PEX3: variants seen among roughly 807,000 people sequenced by gnomAD.
PEX3 encodes the protein peroxisomal biogenesis factor 3, also known as peroxin-3.
Under a neutral mutation model 55.8 loss-of-function variants are expected in PEX3, and 30 were observed. That is an observed-to-expected ratio of 0.54 (90% CI 0.40 to 0.73). The LOEUF is 0.73. PEX3 is among the 30% of genes least tolerant of loss of function. PEX3 has a pLI of 0.00. For synonymous variants in PEX3, 135 were observed against 148.4 expected (o/e 0.91, Z 0.66); for missense variants, 351 against 432.8 (o/e 0.81, Z 1.68).
chr6:143,463,019 T>A lies in PEX3; in HGVS notation c.287+22T>A. 6.4e-7 allele frequency: 1 copy of A among 1,563,982 alleles called. No homozygotes were observed. The highest frequency in any genetic ancestry group is 8.8e-7 in the Non-Finnish European group (1 of 1,134,394). On this transcript the variant is annotated intron_variant, in intron 3 of 11. Coordinates refer to ENST00000367591, the MANE Select transcript of PEX3 (RefSeq NM_003630.3). The surrounding 1 kb of genome is among the most constrained non-coding windows in gnomAD (Gnocchi z 5.7). Reference sequence around the variant, plus strand: ...ACAGGTAAATGCAAGTTACAGCATTTTCTGTTTAAGCACTACACTTAAAGT... The same window carrying A: ...ACAGGTAAATGCAAGTTACAGCATTATCTGTTTAAGCACTACACTTAAAGT...
chr6:143,468,812 C>CCG (rs1562653865), intron 4 of PEX3, among the ~76,000 whole-genome samples: 3 of 122,914 alleles, frequency 2.4e-5, no homozygotes, highest in African/African-American at 8.5e-5. Context: ...CCCCCCCCCC[C>CCG]CCACCCCACG....
In PEX3 at chr6:143,464,503, G is replaced by A. The variant is rs966779562; in HGVS notation, c.287+1506G>A. Among the ~76,000 whole-genome samples, 1 of 151,746 alleles carries A rather than the reference G, an allele frequency of 6.6e-6. No individual in the cohort carries two copies. Among genetic ancestry groups the A allele is most frequent in the East Asian group, 1.9e-4 (1 of 5,194 alleles). ...ATTTAGGAGTATCAAAAAAACCAAA[G>A]GATTAATTTTGATAGATTATCCTGG... On this transcript the variant is annotated intron_variant, in intron 3 of 11. Transcript: ENST00000367591. The surrounding 1 kb of genome is among the most constrained non-coding windows in gnomAD (Gnocchi z 5.8).
chr6:143,455,087 A>T (rs1457557109), intron 1 of PEX3, among the ~76,000 whole-genome samples: 1 of 152,244 alleles, frequency 6.6e-6, no homozygotes, highest in Non-Finnish European at 1.5e-5. Flanking sequence ...TCCTTAATTC[A>T]GCAAATATTT....
Position 143,462,482 on chromosome 6 carries a change from A to G in PEX3, c.206-434A>G, listed in dbSNP as rs1011585524. On this transcript the variant is annotated intron_variant, in intron 2 of 11. Transcript: ENST00000367591. The surrounding 1 kb of genome is among the most constrained non-coding windows in gnomAD (Gnocchi z 4.1). ...AATAAACTTTTTAAAAATTAGAATGAAAAATGAAGGAAAAAGTATAGCTGA... is the reference window on the plus strand; with the variant it reads ...AATAAACTTTTTAAAAATTAGAATGGAAAATGAAGGAAAAAGTATAGCTGA... Among the ~76,000 whole-genome samples the G allele has an allele frequency of 6.6e-6, 1 of 152,212 alleles. No individual in the cohort carries two copies. The highest frequency in any genetic ancestry group is 2.4e-5 in the African/African-American group (1 of 41,450).
rs2128745865 is a variant in PEX3 at position 143,463,035 on chromosome 6, C to T, written c.287+38C>T. On this transcript the variant is annotated intron_variant, in intron 3 of 11. Coordinates refer to ENST00000367591, the MANE Select transcript of PEX3 (RefSeq NM_003630.3). The surrounding 1 kb of genome is among the most constrained non-coding windows in gnomAD (Gnocchi z 5.7). ...TACAGCATTTTCTGTTTAAGCACTA[C>T]ACTTAAAGTTTATAGAATGAACTGA... The T allele has an allele frequency of 7.1e-7, 1 of 1,409,868 alleles. No individual in the cohort carries two copies. The highest frequency in any genetic ancestry group is 1.0e-6 in the Non-Finnish European group (1 of 993,816). 87.3% of individuals were successfully genotyped at this position (1,409,868 alleles called of 1,614,324 possible).
intron 8 of PEX3, among the ~76,000 whole-genome samples, chr6:143,474,481 A>C (rs1780123979): frequency 6.6e-6 from 1 of 151,312 alleles, no homozygotes; most frequent in Non-Finnish European, 1.5e-5. Flanking sequence ...AAAAACCCAG[A>C]CCTCTGCAAA....
rs1780355707 is a variant in PEX3 at position 143,489,327 on chromosome 6, G to A, written c.*101G>A. On this transcript the variant is annotated 3_prime_UTR_variant, in exon 12 of 12. Transcript: ENST00000367591. This position sits in a 1 kb window ranked among gnomAD's most constrained non-coding sequence, Gnocchi z 5.5. ...GTAACAGTTTGTTATCAAAATGCCT[G>A]ATAAAATATATTCTTAATAAAAGTC... The A allele has an allele frequency of 4.2e-6, 3 of 722,788 alleles. No individual in the cohort carries two copies. Among genetic ancestry groups the A allele is most frequent in the Non-Finnish European group, 7.6e-6 (3 of 393,400 alleles). The allele number at this position is 722,788 out of a possible 1,614,324, so 44.8% of individuals were successfully genotyped here. A position where few individuals can be genotyped will look rare whatever the true frequency, so the allele number is the denominator to read the frequency against.
At position 143,485,257 on chromosome 6, in the gene PEX3, A is replaced by G; in HGVS notation, c.1038+9A>G. On this transcript the variant is annotated intron_variant, in intron 11 of 11. Transcript: ENST00000367591. This position sits in a 1 kb window ranked among gnomAD's most constrained non-coding sequence, Gnocchi z 5.6. ...CTAGTCATTTTGTTCAGGTAAGAAG[A>G]AAGCTTGGGAGTGTTATTAAAAGCA... 2 of 1,457,762 alleles carry G rather than the reference A, an allele frequency of 1.4e-6. No individual in the cohort carries two copies. The highest frequency in any genetic ancestry group is 1.9e-6 in the Non-Finnish European group (2 of 1,037,664). 90.3% of individuals were successfully genotyped at this position (1,457,762 alleles called of 1,614,324 possible). A position where few individuals can be genotyped will look rare whatever the true frequency, so the allele number is the denominator to read the frequency against.
At chr6:143,478,068 A>G (rs1584014541) in intron 9 of PEX3, among the ~76,000 whole-genome samples, 2 of 152,184 alleles carry the variant, frequency 1.3e-5, no homozygotes, top group Non-Finnish European at 2.9e-5. Flanking sequence ...ATGTATTCAT[A>G]TAATGGAGCC....
chr6:143,468,751 T>C (rs913250845), intron 4 of PEX3, among the ~76,000 whole-genome samples: 5 of 150,792 alleles, frequency 3.3e-5, no homozygotes, highest in East Asian at 2.0e-4. Context: ...CATGTTGGTG[T>C]GCTGCACCCA....
In PEX3 at chr6:143,489,417, C is replaced by T. The variant is rs184104448; in HGVS notation, c.*191C>T. ...ATATTTTTTTAGATTCATCAACAGA[C>T]CAGTTTTTGTGGGCATATATATATA... On this transcript the variant is annotated 3_prime_UTR_variant, in exon 12 of 12. Transcript: ENST00000367591. The surrounding 1 kb of genome is among the most constrained non-coding windows in gnomAD (Gnocchi z 5.5). The T allele has an allele frequency of 2.0e-6, 1 of 496,596 alleles. No individual in the cohort carries two copies. Among genetic ancestry groups the T allele is most frequent in the East Asian group, 3.7e-5 (1 of 27,066 alleles). The allele number at this position is 496,596 out of a possible 1,614,324, so 30.8% of individuals were successfully genotyped here. A position where few individuals can be genotyped will look rare whatever the true frequency, so the allele number is the denominator to read the frequency against.
intron 1 of PEX3, among the ~76,000 whole-genome samples, chr6:143,455,381 T>TC: frequency 7.9e-6 from 1 of 126,326 alleles, no homozygotes; most frequent in East Asian, 2.1e-4. Context: ...TTTTTTTTTT[T>TC]TTTTTTTGTA....
At chr6:143,460,937 T>C (rs1448137978) in intron 2 of PEX3, among the ~76,000 whole-genome samples, 1 of 151,206 alleles carries the variant, frequency 6.6e-6, no homozygotes, top group Non-Finnish European at 1.5e-5. Flanking sequence ...ACATGGACCC[T>C]TGTGTCAGTT....
In PEX3 at chr6:143,472,177, C is replaced by T. The variant is rs1661148862; in HGVS notation, c.596C>T (p.Ser199Phe). 14 of 1,607,380 alleles carry T rather than the reference C, an allele frequency of 8.7e-6. No homozygotes were observed. The highest frequency in any genetic ancestry group is 1.1e-5 in the Non-Finnish European group (13 of 1,174,218). The change falls in exon 8 of 12, where the codon TCT (serine) becomes TTT (phenylalanine). Residue 199 changes from serine (S) to phenylalanine (F), a missense_variant. Transcript: ENST00000367591. Reference sequence around the variant, plus strand: ...GTTTCTAGTGTTTCTCTTAAACATTCTTTGTCCCTTTTGGACTTGGAGCAA... The same window carrying T: ...GTTTCTAGTGTTTCTCTTAAACATTTTTTGTCCCTTTTGGACTTGGAGCAA... Reference protein sequence around the residue: ...KVLGSVSLKHSLSLLDLEQKL... With the variant: ...KVLGSVSLKHFLSLLDLEQKL...
rs2128747098 is a variant in PEX3, at chr6:143,474,786, G to T, written c.748G>T (p.Ala250Ser). Residue 250 changes from alanine to serine, a missense_variant and splice_region_variant, in exon 9 of 12, where the codon GCC becomes TCC. Ala to Ser is a moderately conservative substitution (Grantham distance 99, BLOSUM62 1). Coordinates refer to ENST00000367591, the MANE Select transcript of PEX3 (RefSeq NM_003630.3). ...TAAGTGTGACATTTTAATTCTATAGGCCTGTGGACTTTCTCCTCGAGACAT... is the reference window on the plus strand; with the variant it reads ...TAAGTGTGACATTTTAATTCTATAGTCCTGTGGACTTTCTCCTCGAGACAT... Reference protein sequence around the residue: ...PDEETPLAVQACGLSPRDITT... With the variant: ...PDEETPLAVQSCGLSPRDITT... The T allele has an allele frequency of 1.3e-6, 2 of 1,541,590 alleles. No individual in the cohort carries two copies. Among genetic ancestry groups the T allele is most frequent in the Non-Finnish European group, 1.8e-6 (2 of 1,114,210 alleles).
In PEX3 at chr6:143,485,719, TA is replaced by T. The variant is rs1780314691; in HGVS notation, c.1038+474del. On this transcript the variant is annotated intron_variant, in intron 11 of 11. Coordinates refer to ENST00000367591, the MANE Select transcript of PEX3 (RefSeq NM_003630.3). The surrounding 1 kb of genome is among the most constrained non-coding windows in gnomAD (Gnocchi z 5.6). ...AAAGCCACATAAACAGTGGGTCATT[TA>T]AATGTTTTATCAGACTACCTATAAC... is the stretch of plus-strand genomic sequence containing the variant. Among the ~76,000 whole-genome samples the T allele has an allele frequency of 6.6e-6, 1 of 152,142 alleles. No individual in the cohort carries two copies. The highest frequency in any genetic ancestry group is 2.1e-4 in the South Asian group (1 of 4,832).
At chr6:143,452,405 T>C (rs1779786086) in intron 1 of PEX3, among the ~76,000 whole-genome samples, 1 of 152,166 alleles carries the variant, frequency 6.6e-6, no homozygotes, top group Non-Finnish European at 1.5e-5. Flanking sequence ...AAGCTAAAAA[T>C]ATATGTGTGA....
At chr6:143,460,606 T>C (rs887416199) in intron 2 of PEX3, among the ~76,000 whole-genome samples, 1 of 152,192 alleles carries the variant, frequency 6.6e-6, no homozygotes, top group African/African-American at 2.4e-5. Context: ...GGCTCACGCC[T>C]GTAATCCCAG....
chr6:143,468,116 CT>C lies in PEX3; in HGVS notation c.288-3del. 6.6e-7 allele frequency: 1 copy of C among 1,508,722 alleles called. No individual in the cohort carries two copies. Among genetic ancestry groups the C allele is most frequent in the Middle Eastern group, 1.7e-4 (1 of 5,812 alleles). The allele number at this position is 1,508,722 out of a possible 1,614,324, so 93.5% of individuals were successfully genotyped here. On this transcript the variant is annotated splice_region_variant and splice_polypyrimidine_tract_variant and intron_variant, in intron 3 of 11. Coordinates refer to ENST00000367591, the MANE Select transcript of PEX3 (RefSeq NM_003630.3). ...TATTTTCATATTTTTAAATTTTGTT[CT>C]TTAGGCCTTCAAACAAGCTAGAAAT...
Sources: gnomAD v4.1 joint callset for allele counts (sites outside exome capture counted in the v4.1 genomes callset) on GRCh38, gnomAD v4.1.1 for gene constraint, Gnocchi (gnomAD v3.1) non-coding constraint, MANE v1.5 for transcripts, NCBI Gene and HGNC (gene_info 2026-07-23, HGNC 2026-07-21) for gene names.